NBEA: variants seen among roughly 807,000 people sequenced by gnomAD.
NBEA encodes the protein neurobeachin.
NBEA carries 44 observed loss-of-function variants against 343.4 expected under a neutral mutation model. The ratio of observed to expected loss-of-function variants is 0.13; its 90% confidence interval spans 0.10 to 0.16. The LOEUF (loss-of-function observed/expected upper bound fraction) is 0.16, where lower values mean the gene tolerates loss of function less well. NBEA is among the 10% of genes least tolerant of loss of function. The pLI is 1.00. For synonymous variants in NBEA, 1,175 were observed against 1,238.7 expected (o/e 0.95, Z 1.08); for missense variants, 2,555 against 3,631.3 (o/e 0.70, Z 7.62).
At chr13:35,526,077 C>T (rs566545161) in intron 41 of NBEA, among the ~76,000 whole-genome samples, 1 of 152,268 alleles carries the variant, frequency 6.6e-6, no homozygotes, top group East Asian at 1.9e-4. Flanking sequence ...GTCTTTCCTT[C>T]CTCGTTGGTA....
At chr13:35,554,628 A>G (rs1476008797) in intron 43 of NBEA, among the ~76,000 whole-genome samples, 3 of 152,232 alleles carry the variant, frequency 2.0e-5, no homozygotes, top group Admixed American at 1.3e-4. Flanking sequence ...CTGACTACCT[A>G]CCTACCTACC....
intron 22 of NBEA, among the ~76,000 whole-genome samples, chr13:35,160,807 T>A (rs1422444325): frequency 1.3e-5 from 2 of 152,176 alleles, no homozygotes; most frequent in African/African-American, 4.8e-5. Context: ...GTTATGACTG[T>A]TTCTTTATTT....
intron 40 of NBEA, among the ~76,000 whole-genome samples, chr13:35,471,634 G>A (rs2075653072): frequency 6.6e-6 from 1 of 152,144 alleles, no homozygotes; most frequent in African/African-American, 2.4e-5. Context: ...GAGGGAATTC[G>A]AAGCAAGCAC....
intron 1 of NBEA, among the ~76,000 whole-genome samples, chr13:34,984,212 A>AT: frequency 6.6e-6 from 1 of 152,310 alleles, no homozygotes; most frequent in East Asian, 1.9e-4. Flanking sequence ...TAATTTTAGT[A>AT]TAAGGTGTAA....
chr13:35,051,341 G>A (rs1253923287), intron 6 of NBEA, among the ~76,000 whole-genome samples: 2 of 151,930 alleles, frequency 1.3e-5, no homozygotes, highest in African/African-American at 4.8e-5. Flanking sequence ...GAACCCAAAT[G>A]TGGTGAGGGG....
At chr13:35,345,139 AAGTGAAAACTTTTATGATCATCTT>A (rs1447138176) in intron 36 of NBEA, among the ~76,000 whole-genome samples, 1 of 152,142 alleles carries the variant, frequency 6.6e-6, no homozygotes, top group Non-Finnish European at 1.5e-5. Context: ...ATCACATTAA[AAGTGAAAACTTTTATGATCATCTT>A]AGTAGGTGCA....
chr13:35,293,146 G>C (rs79169337), intron 35 of NBEA, among the ~76,000 whole-genome samples: 2 of 151,776 alleles, frequency 1.3e-5, no homozygotes, highest in Admixed American at 1.3e-4. Flanking sequence ...CTAAATTTAC[G>C]TGAGATCATA....
chr13:35,090,089 T>TAAATAAAA (rs1233605509), intron 10 of NBEA, among the ~76,000 whole-genome samples: 2 of 151,214 alleles, frequency 1.3e-5, no homozygotes, highest in African/African-American at 2.4e-5. Flanking sequence ...AATAAATAAA[T>TAAATAAAA]AAAAATCTGG....
At chr13:35,602,780 C>A (rs1015004603) in intron 47 of NBEA, among the ~76,000 whole-genome samples, 1 of 152,176 alleles carries the variant, frequency 6.6e-6, no homozygotes, top group Non-Finnish European at 1.5e-5. Context: ...TGACTAGCCC[C>A]AGTTAGGGCC....
chr13:35,562,854 C>T (rs920156050), intron 44 of NBEA, among the ~76,000 whole-genome samples: 6 of 152,030 alleles, frequency 3.9e-5, no homozygotes, highest in Non-Finnish European at 7.4e-5. Context: ...TTAACATTTT[C>T]ACCAAGGAAT....
At position 35,109,364 on chromosome 13, in the gene NBEA, T is replaced by G. The variant is rs2066071811; in HGVS notation, c.1755T>G (p.Ser585=). Residue 585 remains serine (S), a synonymous_variant, in exon 12 of 59, where the codon TCT becomes TCG. Coordinates refer to ENST00000379939, the MANE Select transcript of NBEA (RefSeq NM_001385012.1). ...TTGCAAAATACCTTGATGGTTTATCTCATGGAGCACCTTTGCTGAAGCAGC... is the reference window on the plus strand; with the variant it reads ...TTGCAAAATACCTTGATGGTTTATCGCATGGAGCACCTTTGCTGAAGCAGC... The part of the protein sequence containing the change: ...LSFAKYLDGL[S]HGAPLLKQLC... 1 of 1,612,668 alleles carries G rather than the reference T, an allele frequency of 6.2e-7. No individual in the cohort carries two copies. The highest frequency in any genetic ancestry group is 8.5e-7 in the Non-Finnish European group (1 of 1,179,178).
intron 30 of NBEA, among the ~76,000 whole-genome samples, chr13:35,195,254 C>A (rs926304730): frequency 1.3e-5 from 2 of 152,060 alleles, no homozygotes; most frequent in Admixed American, 1.3e-4. Flanking sequence ...TATTTATAAG[C>A]TGCTTTAGGA....
At chr13:35,187,616 C>T (rs945260233) in intron 30 of NBEA, among the ~76,000 whole-genome samples, 1 of 151,946 alleles carries the variant, frequency 6.6e-6, no homozygotes, top group Non-Finnish European at 1.5e-5. Context: ...GACTCAATTA[C>T]AATAATCATC....
At chr13:35,004,141 G>C (rs2061237219) in intron 1 of NBEA, among the ~76,000 whole-genome samples, 1 of 152,110 alleles carries the variant, frequency 6.6e-6, no homozygotes, top group African/African-American at 2.4e-5. Flanking sequence ...AGTATTCCAT[G>C]GTATATGTGT....
At chr13:35,651,942 C>A in intron 53 of NBEA, 66 bp downstream of exon 53, 2 of 909,108 alleles carry the variant, frequency 2.2e-6, no homozygotes, top group Non-Finnish European at 3.5e-6. Context: ...AGTTATTTTT[C>A]ATAAGATAGT....
At chr13:35,475,618 A>G (rs2075831917) in intron 41 of NBEA, 1 of 1,613,514 alleles carries the variant, frequency 6.2e-7, no homozygotes, top group Non-Finnish European at 8.5e-7. Context: ...GGTGCATTTA[A>G]AGGCCGGCGT....
At chr13:35,290,578 G>A in intron 35 of NBEA, 128 bp downstream of exon 35, 3 of 587,968 alleles carry the variant, frequency 5.1e-6, no homozygotes, top group South Asian at 2.4e-5. Flanking sequence ...TCCCATAGAT[G>A]GAGAAAATAA....
At chr13:35,443,811 C>CA (rs1191263822) in intron 39 of NBEA, among the ~76,000 whole-genome samples, 1 of 151,732 alleles carries the variant, frequency 6.6e-6, no homozygotes, top group Non-Finnish European at 1.5e-5. Context: ...ACAGTTTTGC[C>CA]ATTGGGATTT....
intron 31 of NBEA, among the ~76,000 whole-genome samples, chr13:35,207,966 A>T (rs2152750255): frequency 6.6e-6 from 1 of 152,326 alleles, no homozygotes; most frequent in Middle Eastern, 3.4e-3. Flanking sequence ...CACGCCTGTA[A>T]TCCCAGCACT....
Sources: allele counts gnomAD v4.1 joint callset (sites outside exome capture counted in the v4.1 genomes callset), GRCh38; gene constraint gnomAD v4.1.1; transcripts MANE v1.5; gene names NCBI Gene and HGNC (gene_info 2026-07-23, HGNC 2026-07-21).